The following TANC2 variants were observed in gnomAD, a reference collection of about 807,000 sequenced individuals.
TANC2 encodes the protein protein TANC2.
TANC2 carries 26 observed loss-of-function variants against 210.5 expected under a neutral mutation model. The observed-to-expected ratio is 0.12, with a 90% CI of 0.09 to 0.17. TANC2 has a LOEUF of 0.17. Among genes scored for constraint, TANC2 ranks in the 10% least tolerant of loss-of-function variants. The pLI is 1.00. For synonymous variants in TANC2, 931 were observed against 967.1 expected, an observed-to-expected ratio of 0.96 and a Z score of 0.69; for missense variants, 2,129 against 2,608.9, an observed-to-expected ratio of 0.82 and a Z score of 4.01.
chr17:63,386,194 T>C (rs1444235020), intron 15 of TANC2, among the ~76,000 whole-genome samples: 2 of 152,210 alleles, frequency 1.3e-5, no homozygotes, highest in Non-Finnish European at 2.9e-5. Flanking sequence ...GAACAAAGCC[T>C]AGAACTACCT....
intron 5 of TANC2, among the ~76,000 whole-genome samples, chr17:63,160,246 G>T (rs1207488784): frequency 6.6e-6 from 1 of 152,170 alleles, no homozygotes; most frequent in African/African-American, 2.4e-5. Context: ...TACTTTTAAA[G>T]TAAAGGCGAT....
chr17:63,084,925 G>T (rs917049475), intron 3 of TANC2, among the ~76,000 whole-genome samples: 6 of 151,986 alleles, frequency 3.9e-5, no homozygotes, highest in African/African-American at 1.4e-4. Flanking sequence ...CATTCCATGT[G>T]CGCTTGAAAA....
intron 11 of TANC2, among the ~76,000 whole-genome samples, chr17:63,327,812 T>C (rs2045698735): frequency 2.0e-5 from 3 of 152,250 alleles, no homozygotes; most frequent in Admixed American, 2.0e-4. Flanking sequence ...TTAGGGTACA[T>C]GTGCACAATG....
At chr17:63,386,093 A>G (rs768444326) in intron 15 of TANC2, among the ~76,000 whole-genome samples, 27 of 152,218 alleles carry the variant, frequency 1.8e-4, no homozygotes, top group Non-Finnish European at 3.4e-4. Context: ...AAATATATCA[A>G]CTTCTTGAGG....
At chr17:63,022,078 T>A (rs1018806478) in intron 2 of TANC2, among the ~76,000 whole-genome samples, 3 of 151,996 alleles carry the variant, frequency 2.0e-5, no homozygotes, top group Non-Finnish European at 4.4e-5. Context: ...CGGTGGGTCA[T>A]ACCTGTAATC....
chr17:63,412,200 C>T lies in TANC2; in HGVS notation c.3898+70C>T. The T allele has an allele frequency of 6.2e-7, 1 of 1,604,726 alleles. No homozygotes were observed. Among genetic ancestry groups the T allele is most frequent in the African/African-American group, 1.3e-5 (1 of 74,880 alleles). Reference sequence around the variant, plus strand: ...AGACTGGTCCAGTGGTCTGGCTGCCCTGGGTATTTGGTGTGAGTGTATATA... The same window carrying T: ...AGACTGGTCCAGTGGTCTGGCTGCCTTGGGTATTTGGTGTGAGTGTATATA... On this transcript the variant is annotated intron_variant, in intron 23 of 27. Coordinates refer to ENST00000689528, the Ensembl canonical transcript of TANC2. This position sits in a 1 kb window ranked among gnomAD's most constrained non-coding sequence, Gnocchi z 4.2.
chr17:63,004,500 A>C (rs2033524094), intron 1 of TANC2, among the ~76,000 whole-genome samples: 1 of 151,972 alleles, frequency 6.6e-6, no homozygotes, highest in Non-Finnish European at 1.5e-5. Flanking sequence ...TTTTCCTTAC[A>C]TCAATCCAGC....
chr17:63,298,245 C>G (rs374863386), intron 9 of TANC2, among the ~76,000 whole-genome samples: 2 of 152,160 alleles, frequency 1.3e-5, no homozygotes, highest in Non-Finnish European at 2.9e-5. Flanking sequence ...CAAATACATA[C>G]ACACGAATAT....
At chr17:63,235,056 G>GTT (rs1471405377) in intron 7 of TANC2, among the ~76,000 whole-genome samples, 12 of 151,960 alleles carry the variant, frequency 7.9e-5, no homozygotes, top group Admixed American at 4.6e-4. Context: ...AGCTTTTTCT[G>GTT]AGGTGATTTT....
intron 4 of TANC2, among the ~76,000 whole-genome samples, chr17:63,100,252 G>A (rs2037570310): frequency 6.6e-6 from 1 of 152,018 alleles, no homozygotes; most frequent in African/African-American, 2.4e-5. Flanking sequence ...AAATTTTTGG[G>A]CACTTCTGTC....
exon 14 of TANC2, chr17:63,355,149 C>A (rs1163706857): frequency 1.9e-6 from 3 of 1,613,762 alleles, no homozygotes; most frequent in Non-Finnish European, 2.5e-6. Context: ...GGTGATGCCT[C>A]TCCTGAATGT....
intron 2 of TANC2, among the ~76,000 whole-genome samples, chr17:63,011,222 G>GTT (rs1156242054): frequency 6.6e-6 from 1 of 151,152 alleles, no homozygotes; most frequent in Admixed American, 6.6e-5. Flanking sequence ...TTTTTTTGTT[G>GTT]TTTTGTGTGT....
chr17:63,169,632 G>A (rs1457774613), intron 5 of TANC2, among the ~76,000 whole-genome samples: 1 of 151,988 alleles, frequency 6.6e-6, no homozygotes, highest in African/African-American at 2.4e-5. Flanking sequence ...TGGCCAACAT[G>A]GTGAAACCCC....
Position 63,246,767 on chromosome 17 carries a change from A to G in TANC2, c.1033+8690A>G, listed in dbSNP as rs1221735731. 2.6e-5 allele frequency among the ~76,000 whole-genome samples: 4 copies of G among 152,262 alleles called. No individual in the cohort carries two copies. In the East Asian group the frequency reaches 7.7e-4, roughly 29 times the overall value. On this transcript the variant is annotated intron_variant, in intron 8 of 27. Transcript: ENST00000689528. Reference sequence around the variant, plus strand: ...TATTGTGAATAGTGCTGCTGTGAACATTTGTTTGCAAGTGTTTGGGTAGAC... The same window carrying G: ...TATTGTGAATAGTGCTGCTGTGAACGTTTGTTTGCAAGTGTTTGGGTAGAC...
chr17:63,391,660 A>G (rs1168579103), intron 17 of TANC2: 1 of 152,124 alleles, frequency 6.6e-6, no homozygotes, highest in Non-Finnish European at 1.5e-5. Context: ...CCATTCACCA[A>G]ATAAAGCAGC....
chr17:63,079,862 C>T (rs1036511676), intron 3 of TANC2, among the ~76,000 whole-genome samples: 1 of 152,098 alleles, frequency 6.6e-6, no homozygotes, highest in Non-Finnish European at 1.5e-5. Flanking sequence ...CAAACATGCT[C>T]ATACTCACTG....
chr17:63,376,538 G>T (rs547831910), intron 14 of TANC2, among the ~76,000 whole-genome samples: 1 of 152,222 alleles, frequency 6.6e-6, no homozygotes, highest in South Asian at 2.1e-4. Flanking sequence ...ACAGGGGATG[G>T]GACAGCTCCC....
rs558012141 is a variant in TANC2 at position 63,094,539 on chromosome 17, T to G, written c.140-4636T>G. On this transcript the variant is annotated intron_variant, in intron 3 of 27. Coordinates refer to ENST00000689528, the Ensembl canonical transcript of TANC2. ...ACAAGTGAACATATTATGCTAGAGG[T>G]TTTTGATTTCTAGGTTTTTATTTGT... 1.3e-3 allele frequency among the ~76,000 whole-genome samples: 200 copies of G among 152,176 alleles called. 2 individuals carry two copies. The highest frequency in any genetic ancestry group is 4.5e-3 in the African/African-American group (187 of 41,516).
At chr17:62,972,967 G>C (rs949902287) in intron 1 of TANC2, among the ~76,000 whole-genome samples, 35 of 152,010 alleles carry the variant, frequency 2.3e-4, no homozygotes, top group African/African-American at 8.2e-4. Context: ...CCTCCAGGTG[G>C]GCTTGGGCAT....
Sources: allele counts gnomAD v4.1 joint callset (sites outside exome capture counted in the v4.1 genomes callset), GRCh38; gene constraint gnomAD v4.1.1; non-coding constraint Gnocchi (gnomAD v3.1); transcripts MANE v1.5; gene names NCBI Gene and HGNC (gene_info 2026-07-23, HGNC 2026-07-21).